TMEM44: variants seen among roughly 807,000 people sequenced by gnomAD.
TMEM44 encodes transmembrane protein 44.
TMEM44 carries 43 observed loss-of-function variants against 47.8 expected under a neutral mutation model. The observed-to-expected ratio is 0.90, with a 90% confidence interval of 0.70 to 1.16. TMEM44 has a LOEUF of 1.16. Among genes scored for constraint, TMEM44 ranks in the 50% most tolerant of loss-of-function variants. TMEM44 has a pLI of 0.00. For missense variants in TMEM44, 568 were observed against 555.2 expected (o/e 1.02, Z -0.23); for synonymous variants, 277 against 238.8 (o/e 1.16, Z -1.48).
At chr3:194,610,716 G>A (rs1427803600) in intron 8 of TMEM44, among the ~76,000 whole-genome samples, 200 bp downstream of exon 8, 2 of 152,096 alleles carry the variant, frequency 1.3e-5, no homozygotes, top group Admixed American at 1.3e-4. Flanking sequence ...TTCATCAGAG[G>A]GGACAGGGAA....
At position 194,611,025 on chromosome 3, in the gene TMEM44, C is replaced by T; in HGVS notation, c.913-5G>A. 6.2e-7 allele frequency: 1 copy of T among 1,612,234 alleles called. No individual in the cohort carries two copies. Among genetic ancestry groups the T allele is most frequent in the Non-Finnish European group, 8.5e-7 (1 of 1,178,574 alleles). ...GAGAGGCACCCAATCCAAATTCTTGCAAGTAGAGGCAGGGAGACAGAAAGG... is the reference window on the plus strand; with the variant it reads ...GAGAGGCACCCAATCCAAATTCTTGTAAGTAGAGGCAGGGAGACAGAAAGG... On this transcript the variant is annotated splice_region_variant and splice_polypyrimidine_tract_variant and intron_variant, in intron 7 of 9. Transcript: ENST00000347147. The surrounding 1 kb of genome is among the most constrained non-coding windows in gnomAD (Gnocchi z 4.2).
chr3:194,629,163 C>CA (rs879372253), intron 1 of TMEM44, among the ~76,000 whole-genome samples: 1,097 of 104,482 alleles, frequency 0.01, 12 homozygotes, highest in African/African-American at 0.033. Flanking sequence ...GACTCCGTCT[C>CA]AAAAAAAAAA....
chr3:194,625,104 T>A (rs567176124), intron 3 of TMEM44, among the ~76,000 whole-genome samples: 81 of 152,296 alleles, frequency 5.3e-4, no homozygotes, highest in Admixed American at 2.0e-3. Context: ...GGGCCACTCA[T>A]CCTGGCCCAG....
rs149678176 is a variant in TMEM44, at chr3:194,605,699, G to A, written c.1018-1254C>T. ...CGTGGGAATTCAAGATGAGATTTGC[G>A]TGGGGACACATCCAAACCACATCAC... On this transcript the variant is annotated intron_variant, in intron 8 of 9. Transcript: ENST00000347147. 9.5e-3 allele frequency among the ~76,000 whole-genome samples: 1,447 copies of A among 152,306 alleles called. 15 individuals carry two copies. Among genetic ancestry groups the A allele is most frequent in the Non-Finnish European group, 0.015 (1,038 of 68,016 alleles).
chr3:194,597,642 T>C (rs1322630061), intron 9 of TMEM44, among the ~76,000 whole-genome samples: 5 of 144,202 alleles, frequency 3.5e-5, no homozygotes, highest in African/African-American at 1.3e-4. Flanking sequence ...CCTGGGTGAC[T>C]CTGTCTCAAA....
intron 3 of TMEM44, among the ~76,000 whole-genome samples, chr3:194,624,902 G>A (rs1716975577): frequency 6.6e-6 from 1 of 151,774 alleles, no homozygotes; most frequent in South Asian, 2.1e-4. Context: ...TTTTAGTAGA[G>A]ACAGGGTTTC....
At chr3:194,617,299 G>GGGGGGC in intron 5 of TMEM44, 30 bp from the exon 6 acceptor site, 64 of 619,268 alleles carry the variant, frequency 1.0e-4, no homozygotes, top group Non-Finnish European at 1.5e-4. Flanking sequence ...GGCTGGGCGG[G>GGGGGGC]AGAAGCAGCA....
At chr3:194,628,317 C>G in intron 2 of TMEM44, 66 bp downstream of exon 2, 1 of 1,551,944 alleles carries the variant, frequency 6.4e-7, no homozygotes, top group African/African-American at 1.4e-5. Context: ...ACGGCTGCAG[C>G]AGAGAGAAAG....
At chr3:194,621,416 G>C (rs142187261) in intron 5 of TMEM44, among the ~76,000 whole-genome samples, 5 of 152,078 alleles carry the variant, frequency 3.3e-5, no homozygotes, top group African/African-American at 4.8e-5. Flanking sequence ...AGCTACTACC[G>C]GCGGTCAGGG....
rs78680317 is a variant in TMEM44, at chr3:194,605,884, C to T, written c.1018-1439G>A. Among the ~76,000 whole-genome samples, 826 of 150,730 alleles carry T rather than the reference C, an allele frequency of 5.5e-3. 4 individuals are homozygous for T. The highest frequency in any genetic ancestry group is 0.019 in the African/African-American group (774 of 40,054). On this transcript the variant is annotated intron_variant, in intron 8 of 9. Transcript: ENST00000347147. Reference sequence around the variant, plus strand: ...CTATGAGTACTCGACCCAAATCCAGCGGGGCTTCAGCCCTTGATGGGTTAG... The same window carrying T: ...CTATGAGTACTCGACCCAAATCCAGTGGGGCTTCAGCCCTTGATGGGTTAG...
At chr3:194,615,257 TA>T (rs201355359) in intron 7 of TMEM44, among the ~76,000 whole-genome samples, 8 of 150,262 alleles carry the variant, frequency 5.3e-5, no homozygotes, top group Non-Finnish European at 1.0e-4. Context: ...ATCAATAGAT[TA>T]AAAAAAAATA....
intron 1 of TMEM44, among the ~76,000 whole-genome samples, chr3:194,629,413 G>A (rs1424945945): frequency 6.6e-6 from 1 of 152,210 alleles, no homozygotes; most frequent in Non-Finnish European, 1.5e-5. Context: ...CCCCTCCCCA[G>A]TCCATATCCA....
intron 7 of TMEM44, among the ~76,000 whole-genome samples, chr3:194,615,267 T>A (rs1365175676): frequency 6.6e-6 from 1 of 151,302 alleles, no homozygotes; most frequent in African/African-American, 2.4e-5. Flanking sequence ...TAAAAAAAAA[T>A]AAAAATAAAG....
At position 194,598,743 on chromosome 3, in the gene TMEM44, A is replaced by G. The variant is rs146220693; in HGVS notation, c.1176+5544T>C. On this transcript the variant is annotated intron_variant, in intron 9 of 9. Transcript: ENST00000347147. ...TCTCCACTTCCCCTAGCGTACCGCA[A>G]GAAGTATTCAAAACAGTCGGTCCAT... Among the ~76,000 whole-genome samples, 19 of 152,356 alleles carry G rather than the reference A, an allele frequency of 1.2e-4. No homozygotes were observed. The East Asian group carries it at 3.7e-3, about 29-fold the overall frequency.
Position 194,623,131 on chromosome 3 carries a change from G to A in TMEM44, c.612+93C>T, listed in dbSNP as rs1039561316. On this transcript the variant is annotated intron_variant, in intron 5 of 9. Transcript: ENST00000347147. ...CCCATGTCCATGCACCCACGGTGAC[G>A]CCACACCTCCGCCCCATGACCCTCT... The A allele has an allele frequency of 8.8e-6, 11 of 1,256,842 alleles. 1 individual carries two copies. The highest frequency in any genetic ancestry group is 2.9e-5 in the South Asian group (2 of 68,520). The allele number at this position is 1,256,842 out of a possible 1,614,324, so 77.9% of individuals were successfully genotyped here.
intron 5 of TMEM44, among the ~76,000 whole-genome samples, chr3:194,620,749 G>C (rs1716434158): frequency 6.6e-6 from 1 of 152,120 alleles, no homozygotes; most frequent in Non-Finnish European, 1.5e-5. Flanking sequence ...CCCTAGGCCG[G>C]GCGTGGTGGC....
At position 194,623,165 on chromosome 3, in the gene TMEM44, T is replaced by C. The variant is rs114138750; in HGVS notation, c.612+59A>G. The C allele has an allele frequency of 2.0e-3, 3,012 of 1,507,924 alleles. 58 individuals are homozygous for C. In the African/African-American group the frequency reaches 0.037, roughly 18 times the overall value. The allele number at this position is 1,507,924 out of a possible 1,614,324, so 93.4% of individuals were successfully genotyped here. On this transcript the variant is annotated intron_variant, in intron 5 of 9. Coordinates refer to ENST00000347147, the MANE Select transcript of TMEM44 (RefSeq NM_001011655.3). ...CCGCCCCATGACCCTCTCAGGATGC[T>C]CCCAGATGCCCTGAGACTGTCATGT... is the stretch of plus-strand genomic sequence containing the variant.
chr3:194,610,838 G>T, intron 8 of TMEM44, 78 bp downstream of exon 8: 1 of 1,275,956 alleles, frequency 7.8e-7, no homozygotes, highest in Non-Finnish European at 1.1e-6. Flanking sequence ...CTCAGCTAAA[G>T]CATCACCTCC....
chr3:194,593,024 A>T lies in TMEM44; in HGVS notation c.1177-4385T>A, dbSNP rs767041934. The T allele has an allele frequency of 5.2e-5, 84 of 1,613,688 alleles. No individual in the cohort carries two copies. In the South Asian group the frequency reaches 8.9e-4, roughly 17 times the overall value. Reference sequence around the variant, plus strand: ...AGGAAGTCCCTCCTGGAAGAGAAAGAGCATGATCGTCCATACCTGCTCCGA... The same window carrying T: ...AGGAAGTCCCTCCTGGAAGAGAAAGTGCATGATCGTCCATACCTGCTCCGA... On this transcript the variant is annotated intron_variant, in intron 9 of 9. Coordinates refer to ENST00000347147, the MANE Select transcript of TMEM44 (RefSeq NM_001011655.3).
Sources: allele counts gnomAD v4.1 joint callset (sites outside exome capture counted in the v4.1 genomes callset), GRCh38; gene constraint gnomAD v4.1.1; non-coding constraint Gnocchi (gnomAD v3.1); transcripts MANE v1.5; gene names NCBI Gene and HGNC (gene_info 2026-07-23, HGNC 2026-07-21).